SLC38A6: variants seen among roughly 807,000 people sequenced by gnomAD.
The protein encoded by SLC38A6 is N system amino acid transporter NAT-1.
Under a neutral mutation model 65.0 loss-of-function variants are expected in SLC38A6, and 73 were observed. That is an observed-to-expected ratio of 1.12 (90% CI 0.93 to 1.37). The LOEUF is 1.37. Ranked by LOEUF, SLC38A6 falls within the 40% of genes most tolerant of loss-of-function variation. The pLI, the probability that SLC38A6 is intolerant of heterozygous loss-of-function variation, is 0.00. For synonymous variants in SLC38A6, 183 were observed against 178.8 expected, an observed-to-expected ratio of 1.02 and a Z score of -0.19; for missense variants, 561 against 531.1, an observed-to-expected ratio of 1.06 and a Z score of -0.55.
intron 8 of SLC38A6, among the ~76,000 whole-genome samples, chr14:61,042,762 T>A (rs2041887226): frequency 6.6e-6 from 1 of 152,224 alleles, no homozygotes; most frequent in Admixed American, 6.5e-5. Flanking sequence ...CATAAACTGC[T>A]GTTAAATGTT....
chr14:61,047,994 C>T (rs1051785993), intron 12 of SLC38A6, among the ~76,000 whole-genome samples: 1 of 146,458 alleles, frequency 6.8e-6, no homozygotes, highest in Admixed American at 6.7e-5. Flanking sequence ...TACATACATA[C>T]ATACATACAT....
At chr14:61,072,832 A>G (rs567860058) in intron 15 of SLC38A6, among the ~76,000 whole-genome samples, 3 of 152,320 alleles carry the variant, frequency 2.0e-5, no homozygotes, top group African/African-American at 4.8e-5. Flanking sequence ...CAGTACTGCA[A>G]CAAACATGGG....
chr14:61,002,648 C>G (rs1291160557), intron 3 of SLC38A6, among the ~76,000 whole-genome samples: 2 of 152,188 alleles, frequency 1.3e-5, no homozygotes, highest in Non-Finnish European at 2.9e-5. Flanking sequence ...AGGCCAAACT[C>G]TTGCTCTCGC....
intron 15 of SLC38A6, among the ~76,000 whole-genome samples, chr14:61,069,331 A>C (rs924652193): frequency 1.3e-5 from 2 of 152,000 alleles, no homozygotes; most frequent in African/African-American, 4.8e-5. Context: ...ACCCCCATTA[A>C]TCCCAGATAA....
At chr14:61,046,210 A>G (rs2042138163) in intron 12 of SLC38A6, 43 bp downstream of exon 12, 2 of 1,293,270 alleles carry the variant, frequency 1.5e-6, no homozygotes, top group African/African-American at 1.5e-5. Context: ...TAATAGTTAC[A>G]TAGATGGCCT....
At chr14:61,024,784 T>C (rs766741227) in intron 5 of SLC38A6, among the ~76,000 whole-genome samples, 2 of 152,208 alleles carry the variant, frequency 1.3e-5, no homozygotes, top group Admixed American at 6.6e-5. Flanking sequence ...AAAAGTCTTA[T>C]TAACTCTTAC....
downstream of SLC38A6, among the ~76,000 whole-genome samples, chr14:61,054,875 G>C (rs146487167): frequency 1.1e-3 from 164 of 152,168 alleles, no homozygotes; most frequent in East Asian, 0.023. Context: ...TGACTGCTCT[G>C]GCTAGGATTT....
chr14:61,066,574 A>G (rs935692297), intron 15 of SLC38A6, among the ~76,000 whole-genome samples: 1 of 152,148 alleles, frequency 6.6e-6, no homozygotes, highest in Non-Finnish European at 1.5e-5. Flanking sequence ...TGCTATAAAG[A>G]AAAAGACTTG....
downstream of SLC38A6, among the ~76,000 whole-genome samples, chr14:61,054,523 A>G (rs1194336650): frequency 1.3e-5 from 2 of 151,974 alleles, no homozygotes; most frequent in African/African-American, 4.8e-5. Context: ...ATGTTTTTTC[A>G]TTTGTTTGTG....
intron 15 of SLC38A6, among the ~76,000 whole-genome samples, chr14:61,077,006 A>G (rs1282285507): frequency 6.6e-6 from 1 of 152,250 alleles, no homozygotes; most frequent in Non-Finnish European, 1.5e-5. Context: ...AGTCTAATTC[A>G]GTGTTTCCCA....
chr14:61,015,633 G>A (rs1041504045), intron 3 of SLC38A6, among the ~76,000 whole-genome samples: 1 of 152,200 alleles, frequency 6.6e-6, no homozygotes, highest in Non-Finnish European at 1.5e-5. Flanking sequence ...CATAGGTATT[G>A]TGGCTTATGT....
chr14:61,011,668 A>G (rs898761040), intron 3 of SLC38A6, among the ~76,000 whole-genome samples: 1 of 152,164 alleles, frequency 6.6e-6, no homozygotes, highest in African/African-American at 2.4e-5. Flanking sequence ...GGCTCTGTTT[A>G]TATGCTGGAT....
chr14:61,006,539 GA>G (rs1165760806), intron 3 of SLC38A6, among the ~76,000 whole-genome samples: 1 of 152,202 alleles, frequency 6.6e-6, no homozygotes, highest in East Asian at 1.9e-4. Flanking sequence ...CTTCTCAAAA[GA>G]AGACATTTAT....
At chr14:61,055,372 G>T (rs2042681057), downstream of SLC38A6, among the ~76,000 whole-genome samples, 1 of 19,022 alleles carries the variant, frequency 5.3e-5, no homozygotes, top group Non-Finnish European at 1.2e-4. Context: ...GCGGTGTTTG[G>T]TTTTTTGTTC....
intron 4 of SLC38A6, among the ~76,000 whole-genome samples, chr14:61,017,120 C>T (rs922370914): frequency 6.6e-6 from 1 of 152,176 alleles, no homozygotes; most frequent in Non-Finnish European, 1.5e-5. Context: ...CAGCTCACCA[C>T]AACCTCCGCC....
intron 12 of SLC38A6, among the ~76,000 whole-genome samples, chr14:61,046,759 T>C (rs752373287): frequency 1.3e-5 from 2 of 152,180 alleles, no homozygotes; most frequent in Non-Finnish European, 2.9e-5. Flanking sequence ...TTGCAAAAAC[T>C]GTCTGCTTTG....
intron 3 of SLC38A6, among the ~76,000 whole-genome samples, chr14:60,997,624 C>A (rs2038387236): frequency 1.3e-5 from 2 of 152,126 alleles, no homozygotes. Flanking sequence ...AGCAGTCAGG[C>A]CGGGCTGTTA....
chr14:61,023,363 G>C (rs145120353), intron 5 of SLC38A6, among the ~76,000 whole-genome samples: 3 of 152,092 alleles, frequency 2.0e-5, no homozygotes, highest in African/African-American at 7.2e-5. Flanking sequence ...CTGAGCTCAG[G>C]AGTTTGAGAC....
At chr14:61,066,271 A>G (rs936878872) in intron 15 of SLC38A6, among the ~76,000 whole-genome samples, 2 of 152,208 alleles carry the variant, frequency 1.3e-5, no homozygotes, top group African/African-American at 4.8e-5. Context: ...TATTGTGGAC[A>G]TGGTTTCTTT....
Sources: gnomAD v4.1 joint callset for allele counts (sites outside exome capture counted in the v4.1 genomes callset) on GRCh38, gnomAD v4.1.1 for gene constraint, MANE v1.5 for transcripts, NCBI Gene and HGNC (gene_info 2026-07-23, HGNC 2026-07-21) for gene names.